The following CCDC125 variants were observed in gnomAD, a reference collection of about 807,000 sequenced individuals.
CCDC125 encodes coiled-coil domain containing 125.
CCDC125 carries 43 observed loss-of-function variants against 57.4 expected under a neutral mutation model. The ratio of observed to expected loss-of-function variants is 0.75; its 90% confidence interval spans 0.59 to 0.97. The LOEUF (loss-of-function observed/expected upper bound fraction) is 0.97. Among genes scored for constraint, CCDC125 ranks in the 50% least tolerant of loss-of-function variants. CCDC125 has a pLI of 0.00. For missense variants in CCDC125, 563 were observed against 595.7 expected, an observed-to-expected ratio of 0.95 and a Z score of 0.57; for synonymous variants, 187 against 195.2, an observed-to-expected ratio of 0.96 and a Z score of 0.35.
intron 2 of CCDC125, among the ~76,000 whole-genome samples, chr5:69,318,097 T>A (rs894648027): frequency 1.8e-4 from 27 of 146,086 alleles, no homozygotes; most frequent in African/African-American, 5.5e-4. Context: ...TTCTCCTGCC[T>A]CAGCCTCCTG....
In CCDC125 at chr5:69,285,392, T is replaced by G. The variant is rs778929025; in HGVS notation, c.1175A>C (p.Lys392Thr). 1 of 1,612,648 alleles carries G rather than the reference T, an allele frequency of 6.2e-7. No individual in the cohort carries two copies. Among genetic ancestry groups the G allele is most frequent in the Non-Finnish European group, 8.5e-7 (1 of 1,179,484 alleles). Reference sequence around the variant, plus strand: ...AGGACTGTCCTGGTCTTCCATCCTCTTAGAACTGTTTTCTGAAGGGAGCAT... The same window carrying G: ...AGGACTGTCCTGGTCTTCCATCCTCGTAGAACTGTTTTCTGAAGGGAGCAT... ...LGMLPSENSS[K>T]RMEDQDSPQE... The change falls in exon 11 of 12, where the codon AAG (lysine) becomes ACG (threonine). Residue 392 changes from lysine (K) to threonine (T), a missense_variant. Transcript: ENST00000396496.
At chr5:69,286,119 G>A (rs1753303311) in intron 10 of CCDC125, among the ~76,000 whole-genome samples, 1 of 144,534 alleles carries the variant, frequency 6.9e-6, no homozygotes, top group Admixed American at 7.2e-5. Context: ...TCTGGAGCTG[G>A]ATGGTGATGA....
At chr5:69,288,099 C>A (rs532036163) in intron 10 of CCDC125, among the ~76,000 whole-genome samples, 23 of 152,242 alleles carry the variant, frequency 1.5e-4, no homozygotes, top group African/African-American at 5.5e-4. Context: ...TGAATCTTTT[C>A]TCATAGTTGG....
chr5:69,279,802 G>A (rs1362646556), downstream of CCDC125, among the ~76,000 whole-genome samples: 2 of 151,962 alleles, frequency 1.3e-5, no homozygotes, highest in Admixed American at 1.3e-4. Flanking sequence ...AGGCAGGATA[G>A]GAGTGTATTA....
At chr5:69,286,187 A>C (rs569795337) in intron 10 of CCDC125, among the ~76,000 whole-genome samples, 63 of 53,934 alleles carry the variant, frequency 1.2e-3, no homozygotes, top group African/African-American at 4.5e-3. Flanking sequence ...CAAATGGTAA[A>C]CTATATATAT....
intron 9 of CCDC125, among the ~76,000 whole-genome samples, chr5:69,292,927 G>A (rs1387067477): frequency 4.1e-5 from 6 of 147,536 alleles, no homozygotes; most frequent in Non-Finnish European, 6.0e-5. Flanking sequence ...TGCAAGCTCC[G>A]CCTCCTGGGT....
intron 4 of CCDC125, chr5:69,310,687 A>T (rs755485692): frequency 1.3e-5 from 2 of 155,404 alleles, no homozygotes; most frequent in Non-Finnish European, 2.8e-5. Context: ...ACACGCTACG[A>T]CATGTATGAA....
intron 2 of CCDC125, among the ~76,000 whole-genome samples, chr5:69,316,576 T>C (rs981038376): frequency 3.3e-5 from 5 of 152,146 alleles, no homozygotes; most frequent in African/African-American, 4.8e-5. Flanking sequence ...GGACTTTTTT[T>C]CCCACAGAGA....
At chr5:69,313,183 C>T (rs1580163507) in intron 3 of CCDC125, among the ~76,000 whole-genome samples, 1 of 152,248 alleles carries the variant, frequency 6.6e-6, no homozygotes, top group East Asian at 1.9e-4. Context: ...AGGCCAGAAC[C>T]ATCAGGGATG....
chr5:69,285,175 AAT>A (rs778101905), intron 11 of CCDC125, among the ~76,000 whole-genome samples, 160 bp downstream of exon 11: 2 of 151,746 alleles, frequency 1.3e-5, no homozygotes, highest in African/African-American at 4.8e-5. Context: ...GAACTAAAAA[AAT>A]ATATATATAT....
At chr5:69,323,948 C>G (rs1383714877) in intron 1 of CCDC125, 1 of 151,874 alleles carries the variant, frequency 6.6e-6, no homozygotes, top group Non-Finnish European at 1.5e-5. Flanking sequence ...ATCCTTCTCT[C>G]AAGGCTCATT....
At chr5:69,331,923 G>T (rs762075628) in intron 1 of CCDC125, among the ~76,000 whole-genome samples, 1 of 152,208 alleles carries the variant, frequency 6.6e-6, no homozygotes, top group Non-Finnish European at 1.5e-5. Flanking sequence ...GACCTAGACT[G>T]ACTGTATATT....
chr5:69,301,898 A>AAATAAT (rs71305003), intron 7 of CCDC125, among the ~76,000 whole-genome samples: 150 of 145,628 alleles, frequency 1.0e-3, no homozygotes, highest in East Asian at 4.1e-3. Flanking sequence ...TTCTGTCTCA[A>AAATAAT]AATAATAATA....
At chr5:69,310,972 A>G (rs983371804) in intron 4 of CCDC125, 146 bp downstream of exon 4, 13 of 473,424 alleles carry the variant, frequency 2.7e-5, no homozygotes, top group African/African-American at 2.6e-4. Context: ...TTCAGGATAT[A>G]TAAATTATAA....
At position 69,329,529 on chromosome 5, in the gene CCDC125, A is replaced by G. The variant is rs1761156897; in HGVS notation, c.-41+3120T>C. Reference sequence around the variant, plus strand: ...TTTTTTTTTTTTTTTTTGAGACGGAATTTTGCTCTTGTCACCAAGGCTGGA... The same window carrying G: ...TTTTTTTTTTTTTTTTTGAGACGGAGTTTTGCTCTTGTCACCAAGGCTGGA... On this transcript the variant is annotated intron_variant, in intron 1 of 11. Coordinates refer to ENST00000396496, the MANE Select transcript of CCDC125 (RefSeq NM_176816.5). Among the ~76,000 whole-genome samples the G allele has an allele frequency of 2.4e-5, 3 of 127,304 alleles. No homozygotes were observed. In the Admixed American group the frequency reaches 2.7e-4, roughly 11 times the overall value. 83.5% of individuals were successfully genotyped at this position (127,304 alleles called of 152,430 possible).
intron 2 of CCDC125, among the ~76,000 whole-genome samples, chr5:69,317,446 G>C (rs1392251013): frequency 6.6e-6 from 1 of 152,146 alleles, no homozygotes; most frequent in East Asian, 1.9e-4. Flanking sequence ...TTTCAAGAGG[G>C]ATGTTGAAGG....
At chr5:69,276,730 A>C, downstream of CCDC125, 1 of 1,568,488 alleles carries the variant, frequency 6.4e-7, no homozygotes, top group Non-Finnish European at 8.7e-7. Flanking sequence ...ATGAATTTAG[A>C]AAACTCCAAA....
chr5:69,293,870 A>C (rs919058200), intron 9 of CCDC125, among the ~76,000 whole-genome samples: 2 of 152,212 alleles, frequency 1.3e-5, no homozygotes, highest in African/African-American at 4.8e-5. Flanking sequence ...TTGTAAGTAA[A>C]GACCAAATAT....
intron 10 of CCDC125, among the ~76,000 whole-genome samples, chr5:69,291,331 T>C (rs1322639107): frequency 6.6e-6 from 1 of 152,160 alleles, no homozygotes; most frequent in African/African-American, 2.4e-5. Context: ...AATATATTTT[T>C]TAATACACAG....
Sources: gnomAD v4.1 joint callset for allele counts (sites outside exome capture counted in the v4.1 genomes callset) on GRCh38, gnomAD v4.1.1 for gene constraint, MANE v1.5 for transcripts, NCBI Gene and HGNC (gene_info 2026-07-23, HGNC 2026-07-21) for gene names.